The following PYGL variants were observed in gnomAD, a reference collection of about 807,000 sequenced individuals.
PYGL encodes the protein glycogen phosphorylase L, also known as glycogen phosphorylase, liver form.
Under a neutral mutation model 100.1 loss-of-function variants are expected in PYGL, and 90 were observed. The observed-to-expected ratio is 0.90, with a 90% confidence interval of 0.76 to 1.07. The LOEUF is 1.07. Ranked by LOEUF, PYGL falls within the 50% of genes least tolerant of loss-of-function variation. PYGL has a pLI of 0.00. For missense variants in PYGL, 1,016 were observed against 1,057.6 expected (o/e 0.96, Z 0.55); for synonymous variants, 373 against 393.0 (o/e 0.95, Z 0.60).
chr14:50,909,791 C>A, intron 17 of PYGL, 104 bp downstream of exon 17: 2 of 1,317,562 alleles, frequency 1.5e-6, no homozygotes, highest in South Asian at 2.4e-5. Context: ...CTTATGTGAT[C>A]CAATTTCAGT....
In PYGL at chr14:50,933,765, T is replaced by TAC. The variant is rs748372449; in HGVS notation, c.424+1340_424+1341dup. Among the ~76,000 whole-genome samples, 505 of 151,404 alleles carry TAC rather than the reference T, an allele frequency of 3.3e-3. 2 individuals carry two copies. The highest frequency in any genetic ancestry group is 0.011 in the African/African-American group (453 of 41,352). ...ATACATATGTACACACACACATATA[T>TAC]ACACACACACACACATATATGTCTG... On this transcript the variant is annotated intron_variant, in intron 3 of 19. Transcript: ENST00000216392.
Position 50,915,489 on chromosome 14 carries a change from G to C in PYGL, c.1250C>G (p.Ala417Gly). Residue 417 changes from alanine to glycine, a missense_variant, in exon 11 of 20, where the codon GCC (alanine) becomes GGC (glycine). By Grantham distance (60) the Ala-to-Gly change is moderately conservative. Transcript: ENST00000216392. Reference protein sequence around the residue: ...INQKHLDRIVALFPKDVDRLR... With the variant: ...INQKHLDRIVGLFPKDVDRLR... ...ACGGTCCACATCTTTAGGAAACAAG[G>C]CCACAATTCTCTAGCCAAAGGAAGA... 6.2e-7 allele frequency: 1 copy of C among 1,614,174 alleles called. No homozygotes were observed.
At chr14:50,939,031 AATTT>A (rs1047427210) in intron 1 of PYGL, among the ~76,000 whole-genome samples, 1 of 151,960 alleles carries the variant, frequency 6.6e-6, no homozygotes, top group African/African-American at 2.4e-5. Flanking sequence ...TTAATTAATT[AATTT>A]ATTTATTTAT....
At chr14:50,916,066 G>T in intron 9 of PYGL, 95 bp from the exon 10 acceptor site, 3 of 1,529,584 alleles carry the variant, frequency 2.0e-6, no homozygotes, top group Non-Finnish European at 2.7e-6. Flanking sequence ...TCTGCAACAG[G>T]ACCATTCCAA....
At chr14:50,935,276 T>C in intron 2 of PYGL, 91 bp from the exon 3 acceptor site, 2 of 1,071,628 alleles carry the variant, frequency 1.9e-6, no homozygotes, top group Non-Finnish European at 2.8e-6. Flanking sequence ...GGTAAAGGTA[T>C]TCAGGTTTAG....
In PYGL at chr14:50,912,026, T is replaced by G; in HGVS notation, c.1779A>C (p.Lys593Asn). ...HVITMYNRIKKDPKKLFVPRT... is the reference protein window; with the variant it reads ...HVITMYNRIKNDPKKLFVPRT... Reference sequence around the variant, plus strand: ...TTGGCACGAATAACTTCTTAGGGTCTTTCTTAATGCCTGAAAAAGATGGAG... The same window carrying G: ...TTGGCACGAATAACTTCTTAGGGTCGTTCTTAATGCCTGAAAAAGATGGAG... Residue 593 changes from lysine to asparagine, a missense_variant, in exon 15 of 20, where the codon AAA becomes AAC. Transcript: ENST00000216392. The G allele has an allele frequency of 6.2e-7, 1 of 1,614,026 alleles. No individual in the cohort carries two copies. Among genetic ancestry groups the G allele is most frequent in the Non-Finnish European group, 8.5e-7 (1 of 1,179,874 alleles).
In PYGL at chr14:50,905,469, G is replaced by A. The variant is rs756205397; in HGVS notation, c.2467C>T (p.Gln823Ter). ...SSDRTIKEYA[Q>*]NIWNVEPSDL... ...GAAGGTTCCACGTTCCAGATGTTTT[G>A]GGCATATTCTTTAATTGTTCGGTCA... Residue 823 changes from glutamine to a stop codon, truncating the protein, a stop_gained, in exon 20 of 20, where the codon CAA (glutamine) becomes TAA (stop). Coordinates refer to ENST00000216392, the MANE Select transcript of PYGL (RefSeq NM_002863.5). LOFTEE classifies it high-confidence loss of function. 1.3e-5 allele frequency: 21 copies of A among 1,613,718 alleles called. No individual in the cohort carries two copies. In the East Asian group the frequency reaches 4.2e-4, roughly 33 times the overall value.
intron 2 of PYGL, 74 bp downstream of exon 2, chr14:50,937,662 C>T (rs2050665937): frequency 7.2e-7 from 1 of 1,394,558 alleles, no homozygotes; most frequent in Non-Finnish European, 1.0e-6. Flanking sequence ...TTTTTTTGTG[C>T]AATGTCCCCA....
rs533727366 is a variant in PYGL, at chr14:50,912,402, A to G, written c.1621-99T>C. ...GAGACGGAGTCTCACTCTTTTGCCC[A>G]GGCTGGAGTGCAGTGGCATGATCTC... On this transcript the variant is annotated intron_variant, in intron 13 of 19. Transcript: ENST00000216392. The G allele has an allele frequency of 1.7e-3, 2,514 of 1,455,548 alleles. 5 individuals are homozygous for G. Among genetic ancestry groups the G allele is most frequent in the Non-Finnish European group, 2.2e-3 (2,287 of 1,051,900 alleles). 90.2% of individuals were successfully genotyped at this position (1,455,548 alleles called of 1,614,324 possible).
At chr14:50,932,438 A>G (rs2050610617) in intron 3 of PYGL, among the ~76,000 whole-genome samples, 1 of 152,198 alleles carries the variant, frequency 6.6e-6, no homozygotes, top group Admixed American at 6.5e-5. Context: ...GTGGTGCTAG[A>G]AAGTCTGTTG....
In PYGL at chr14:50,944,189, T is replaced by TG; in HGVS notation, c.214dup (p.Gln72ProfsTer39). On this transcript the variant is annotated frameshift_variant, in exon 1 of 20. Transcript: ENST00000216392. LOFTEE classifies it high-confidence loss of function. ...GGGGCACTTGTCGTAGTAGTGCTGCTGCGTGCGGATCCAGCGCCCCACCAG... is the reference window on the plus strand; with the variant it reads ...GGGGCACTTGTCGTAGTAGTGCTGCTGGCGTGCGGATCCAGCGCCCCACCAG... 1 of 1,609,784 alleles carries TG rather than the reference T, an allele frequency of 6.2e-7. No individual in the cohort carries two copies. The highest frequency in any genetic ancestry group is 8.5e-7 in the Non-Finnish European group (1 of 1,179,696).
chr14:50,939,903 T>C (rs1234070698), intron 1 of PYGL, among the ~76,000 whole-genome samples: 2 of 152,234 alleles, frequency 1.3e-5, no homozygotes, highest in Non-Finnish European at 2.9e-5. Flanking sequence ...ACTTGGAAAT[T>C]TCATTCTTTC....
At chr14:50,928,942 G>A (rs574524822) in intron 4 of PYGL, among the ~76,000 whole-genome samples, 1 of 152,310 alleles carries the variant, frequency 6.6e-6, no homozygotes, top group Non-Finnish European at 1.5e-5. Context: ...AATGGAGGTG[G>A]TAAGTAAAAT....
chr14:50,913,268 C>A, intron 12 of PYGL, 138 bp from the exon 13 acceptor site: 1 of 724,446 alleles, frequency 1.4e-6, no homozygotes. Flanking sequence ...TAGTTTGACT[C>A]AAAGAAGAGT....
Position 50,931,730 on chromosome 14 carries a change from T to C in PYGL, c.471A>G (p.Gly157=). Residue 157 remains glycine (G), a synonymous_variant, in exon 4 of 20, where the codon GGA becomes GGG. Coordinates refer to ENST00000216392, the MANE Select transcript of PYGL (RefSeq NM_002863.5). ...TCCCATATTCATACCGAATGCCGTATCCATAGGCTGCAAGTCCCAGGGTTG... is the reference window on the plus strand; with the variant it reads ...TCCCATATTCATACCGAATGCCGTACCCATAGGCTGCAAGTCCCAGGGTTG... ...SMATLGLAAY[G]YGIRYEYGIF... is the part of the protein sequence containing the mutation. 6.2e-7 allele frequency: 1 copy of C among 1,613,978 alleles called. No individual in the cohort carries two copies. Among genetic ancestry groups the C allele is most frequent in the African/African-American group, 1.3e-5 (1 of 74,988 alleles).
chr14:50,941,445 C>G (rs1293431023), intron 1 of PYGL, among the ~76,000 whole-genome samples: 3 of 152,124 alleles, frequency 2.0e-5, no homozygotes, highest in Admixed American at 2.0e-4. Flanking sequence ...TAGAGCCTCA[C>G]CAAGGCAGGA....
chr14:50,933,162 T>C (rs2050617782), intron 3 of PYGL, among the ~76,000 whole-genome samples: 1 of 152,218 alleles, frequency 6.6e-6, no homozygotes, highest in Non-Finnish European at 1.5e-5. Context: ...GACACAGAGT[T>C]AACCTAGCTA....
intron 3 of PYGL, among the ~76,000 whole-genome samples, chr14:50,934,535 T>C (rs956108556): frequency 6.6e-6 from 1 of 152,166 alleles, no homozygotes; most frequent in African/African-American, 2.4e-5. Context: ...TGTGATACCA[T>C]TTATTTTTTA....
At chr14:50,908,438 C>T in intron 18 of PYGL, 101 bp from the exon 19 acceptor site, 1 of 1,103,982 alleles carries the variant, frequency 9.1e-7, no homozygotes. Context: ...TAATATCAGG[C>T]ATGGCTGGTT....
Sources: allele counts gnomAD v4.1 joint callset (sites outside exome capture counted in the v4.1 genomes callset), GRCh38; gene constraint gnomAD v4.1.1; transcripts MANE v1.5; gene names NCBI Gene and HGNC (gene_info 2026-07-23, HGNC 2026-07-21).